The following RMND1 variants were observed in gnomAD, a reference collection of about 807,000 sequenced individuals.
RMND1 encodes required for meiotic nuclear division protein 1 homolog.
Under a neutral mutation model 54.0 loss-of-function variants are expected in RMND1, and 41 were observed. That is an observed-to-expected ratio of 0.76 (90% CI 0.59 to 0.98). RMND1 has a LOEUF of 0.98. Among genes scored for constraint, RMND1 ranks in the 50% least tolerant of loss-of-function variants. The pLI is 0.00. For synonymous variants in RMND1, 183 were observed against 181.7 expected, an observed-to-expected ratio of 1.01 and a Z score of -0.06; for missense variants, 457 against 532.0, an observed-to-expected ratio of 0.86 and a Z score of 1.39.
chr6:151,445,003 C>A, intron 2 of RMND1: 1 of 266,404 alleles, frequency 3.8e-6, no homozygotes. Flanking sequence ...TTTTTACAGT[C>A]CCATTCTTAG....
At chr6:151,449,679 C>T (rs151252897) in intron 1 of RMND1, among the ~76,000 whole-genome samples, 7 of 152,134 alleles carry the variant, frequency 4.6e-5, no homozygotes, top group Admixed American at 2.0e-4. Flanking sequence ...CCTCTCCCCA[C>T]GGTCTCCCTC....
chr6:151,433,206 C>A lies in RMND1; in HGVS notation c.638G>T (p.Gly213Val), dbSNP rs1333731823. The A allele has an allele frequency of 1.2e-6, 2 of 1,612,008 alleles. No individual in the cohort carries two copies. Among genetic ancestry groups the A allele is most frequent in the Admixed American group, 3.3e-5 (2 of 59,720 alleles). The change falls in exon 4 of 12, where the codon GGT (glycine) becomes GTT (valine). Residue 213 changes from glycine to valine, a missense_variant. Physicochemically the swap from Gly to Val is moderately radical, Grantham distance 109. Transcript: ENST00000444024. ...PRDAANILVM[G>V]VENSAKEGDP... ...ACCTTCTTTTGCAGAATTTTCCACA[C>A]CCATCACCAAAATATTTGCTGCATC...
intron 10 of RMND1, among the ~76,000 whole-genome samples, chr6:151,412,851 C>T (rs1024349440): frequency 6.6e-6 from 1 of 152,176 alleles, no homozygotes; most frequent in African/African-American, 2.4e-5. Context: ...GTCACAAGAA[C>T]AGCACCAAGG....
At position 151,452,019 on chromosome 6, in the gene RMND1, T is replaced by C; in HGVS notation, c.-18A>G. 6.2e-6 allele frequency: 1 copy of C among 160,998 alleles called. No homozygotes were observed. The highest frequency in any genetic ancestry group is 1.4e-4 in the South Asian group (1 of 7,196). The allele number at this position is 160,998 out of a possible 1,614,324, so 10.0% of individuals were successfully genotyped here. On this transcript the variant is annotated 5_prime_UTR_variant, in exon 1 of 12. Transcript: ENST00000444024. ...AAAGAAAAGGCAATACACTAACCTC[T>C]CCGCCGGAAGAGAAGAAGGAAGCGC... is the stretch of plus-strand genomic sequence containing the variant.
chr6:151,437,022 C>T (rs562787754), intron 2 of RMND1, among the ~76,000 whole-genome samples: 32 of 152,324 alleles, frequency 2.1e-4, no homozygotes, highest in African/African-American at 7.2e-4. Flanking sequence ...AAAGGAATTA[C>T]AGTATTTTTA....
At chr6:151,436,142 G>T in intron 3 of RMND1, 2 of 228,240 alleles carry the variant, frequency 8.8e-6, no homozygotes, top group South Asian at 6.5e-5. Context: ...AACACACACA[G>T]ACACACACAA....
At chr6:151,434,410 T>A (rs75149267) in intron 3 of RMND1, among the ~76,000 whole-genome samples, 1 of 64,402 alleles carries the variant, frequency 1.6e-5, no homozygotes, top group Admixed American at 1.2e-4. Flanking sequence ...AAAACTGTGA[T>A]TTTTTTTTTT....
chr6:151,430,416 CAAAT>C (rs1780419095), intron 4 of RMND1, among the ~76,000 whole-genome samples: 1 of 152,154 alleles, frequency 6.6e-6, no homozygotes, highest in South Asian at 2.1e-4. Context: ...GTTTGCCAAA[CAAAT>C]AGCCATTATT....
chr6:151,450,082 G>A (rs1196983144), intron 1 of RMND1, among the ~76,000 whole-genome samples: 7 of 152,102 alleles, frequency 4.6e-5, no homozygotes, highest in Admixed American at 1.3e-4. Flanking sequence ...CGTCTGGGAC[G>A]TGAGGAGCCC....
At chr6:151,406,572 G>T (rs1162964377) in intron 10 of RMND1, among the ~76,000 whole-genome samples, 1 of 152,012 alleles carries the variant, frequency 6.6e-6, no homozygotes, top group Non-Finnish European at 1.5e-5. Context: ...GGATGGTCTC[G>T]ATCTCCTGAC....
chr6:151,407,309 G>A (rs1940381126), intron 10 of RMND1, among the ~76,000 whole-genome samples: 1 of 151,980 alleles, frequency 6.6e-6, no homozygotes, highest in Non-Finnish European at 1.5e-5. Context: ...TCCCCTCCCT[G>A]TTTTCCTTTC....
intron 1 of RMND1, among the ~76,000 whole-genome samples, chr6:151,450,827 A>G (rs867952295): frequency 5.3e-5 from 8 of 152,174 alleles, no homozygotes; most frequent in Non-Finnish European, 7.4e-5. Flanking sequence ...AGAAGTAGAC[A>G]TGGGAGACTT....
In RMND1 at chr6:151,452,112, G is replaced by A. The variant is rs899458360; in HGVS notation, c.-111C>T. The A allele has an allele frequency of 5.1e-6, 1 of 196,430 alleles. No individual in the cohort carries two copies. Among genetic ancestry groups the A allele is most frequent in the Admixed American group, 6.3e-5 (1 of 15,996 alleles). The allele number at this position is 196,430 out of a possible 1,614,324, so 12.2% of individuals were successfully genotyped here. A position where few individuals can be genotyped will look rare whatever the true frequency, so the allele number is the denominator to read the frequency against. ...GCACCCCCAGCCTCTCACTACTGCA[G>A]CCAACCCATCTCCTGGAAGGGCGCT... On this transcript the variant is annotated 5_prime_UTR_variant, in exon 1 of 12. Coordinates refer to ENST00000444024, the MANE Select transcript of RMND1 (RefSeq NM_017909.4).
intron 4 of RMND1, among the ~76,000 whole-genome samples, chr6:151,431,276 G>C (rs1379740464): frequency 6.6e-6 from 1 of 151,986 alleles, no homozygotes; most frequent in Non-Finnish European, 1.5e-5. Context: ...AGGATAAAGA[G>C]GCAAGCAGGG....
chr6:151,414,375 T>C (rs957731657), intron 10 of RMND1, among the ~76,000 whole-genome samples: 3 of 152,160 alleles, frequency 2.0e-5, no homozygotes, highest in Non-Finnish European at 4.4e-5. Context: ...AGGAAGGACC[T>C]TGTATATCAA....
intron 10 of RMND1, among the ~76,000 whole-genome samples, chr6:151,406,561 A>G (rs539015951): frequency 5.3e-5 from 8 of 152,218 alleles, no homozygotes; most frequent in African/African-American, 1.7e-4. Flanking sequence ...GATGTTAGCC[A>G]GGATGGTCTC....
At chr6:151,419,362 G>A (rs1378565955) in intron 9 of RMND1, among the ~76,000 whole-genome samples, 1 of 151,960 alleles carries the variant, frequency 6.6e-6, no homozygotes, top group Non-Finnish European at 1.5e-5. Context: ...ACCGTGCCTG[G>A]CCTTACACTT....
At chr6:151,439,775 G>A (rs187983855) in intron 2 of RMND1, among the ~76,000 whole-genome samples, 15 of 152,102 alleles carry the variant, frequency 9.9e-5, no homozygotes, top group African/African-American at 3.6e-4. Flanking sequence ...TTCTCCTGCC[G>A]CAGCCTCTCG....
chr6:151,438,932 G>C (rs1001773333), intron 2 of RMND1, among the ~76,000 whole-genome samples: 1 of 152,042 alleles, frequency 6.6e-6, no homozygotes. Context: ...TGGTCAACGT[G>C]GTGAAACCCT....
Sources: allele counts gnomAD v4.1 joint callset (sites outside exome capture counted in the v4.1 genomes callset), GRCh38; gene constraint gnomAD v4.1.1; transcripts MANE v1.5; gene names NCBI Gene and HGNC (gene_info 2026-07-23, HGNC 2026-07-21).